The following FBN2 variants were observed in gnomAD, a reference collection of about 807,000 sequenced individuals.
The protein encoded by FBN2 is fibrillin 2, also known as fibrillin-2.
Under a neutral mutation model 355.6 loss-of-function variants are expected in FBN2, and 105 were observed. The ratio of observed to expected loss-of-function variants is 0.30; its 90% CI spans 0.25 to 0.35. FBN2 has a LOEUF of 0.35. Among genes scored for constraint, FBN2 ranks in the 10% least tolerant of loss-of-function variants. The pLI is 1.00. For synonymous variants in FBN2, 1,350 were observed against 1,301.2 expected (o/e 1.04, Z -0.81); for missense variants, 3,280 against 3,758.7 (o/e 0.87, Z 3.33).
intron 25 of FBN2, among the ~76,000 whole-genome samples, chr5:128,343,510 A>C (rs1483363230): frequency 6.6e-6 from 1 of 152,198 alleles, no homozygotes; most frequent in African/African-American, 2.4e-5. Context: ...GAGTGCGATA[A>C]GGGGAAATCC....
At position 128,318,132 on chromosome 5, in the gene FBN2, C is replaced by A; in HGVS notation, c.4717+17G>T. 1 of 1,613,620 alleles carries A rather than the reference C, an allele frequency of 6.2e-7. No individual in the cohort carries two copies. The highest frequency in any genetic ancestry group is 1.3e-5 in the African/African-American group (1 of 75,022). Reference sequence around the variant, plus strand: ...ACTTGATAATTCTATTTGTTTGTTTCATATAGCTTTACTTACCAACACAAC... The same window carrying A: ...ACTTGATAATTCTATTTGTTTGTTTAATATAGCTTTACTTACCAACACAAC... On this transcript the variant is annotated intron_variant, in intron 36 of 64. Coordinates refer to ENST00000262464, the MANE Select transcript of FBN2 (RefSeq NM_001999.4).
chr5:128,343,377 C>T (rs1191581929), intron 25 of FBN2, among the ~76,000 whole-genome samples: 1 of 152,100 alleles, frequency 6.6e-6, no homozygotes, highest in African/African-American at 2.4e-5. Flanking sequence ...TTCAAGGCAG[C>T]AGGACTTCAG....
intron 5 of FBN2, among the ~76,000 whole-genome samples, chr5:128,501,249 TGAA>T (rs1755800995): frequency 6.6e-6 from 1 of 152,186 alleles, no homozygotes; most frequent in Non-Finnish European, 1.5e-5. Flanking sequence ...ACAAAATATG[TGAA>T]GAATAACCTG....
chr5:128,533,824 T>A (rs1021832978), intron 2 of FBN2, among the ~76,000 whole-genome samples: 3 of 151,636 alleles, frequency 2.0e-5, no homozygotes, highest in African/African-American at 7.3e-5. Flanking sequence ...AATAAATTAA[T>A]AAGCAAATTG....
At position 128,479,930 on chromosome 5, in the gene FBN2, GTCTCTCTC is replaced by G. The variant is rs1180726296; in HGVS notation, c.629-15017_629-15010del. On this transcript the variant is annotated intron_variant, in intron 5 of 64. Coordinates refer to ENST00000262464, the MANE Select transcript of FBN2 (RefSeq NM_001999.4). ...CAACAGAACAAGACCTTGTCTCCTT[GTCTCTCTC>G]TCTCTCTCTCTCTCTCTCTCTCTCT... Among the ~76,000 whole-genome samples the G allele has an allele frequency of 2.4e-3, 139 of 58,090 alleles. 1 individual carries two copies. Among genetic ancestry groups the G allele is most frequent in the Middle Eastern group, 0.026 (1 of 38 alleles). 38.1% of individuals were successfully genotyped at this position (58,090 alleles called of 152,430 possible). A position where few individuals can be genotyped will look rare whatever the true frequency, so the allele number is the denominator to read the frequency against.
chr5:128,307,927 G>A (rs1447598269), intron 41 of FBN2, among the ~76,000 whole-genome samples: 1 of 151,958 alleles, frequency 6.6e-6, no homozygotes, highest in African/African-American at 2.4e-5. Flanking sequence ...TCAGGTCAGG[G>A]ATATTGTATA....
In FBN2 at chr5:128,259,848, A is replaced by G; in HGVS notation, c.8365-19T>C. The G allele has an allele frequency of 1.2e-6, 2 of 1,613,092 alleles. No individual in the cohort carries two copies. Among genetic ancestry groups the G allele is most frequent in the Admixed American group, 3.3e-5 (2 of 59,938 alleles). Reference sequence around the variant, plus strand: ...GTTCAACCTGGAGGAAGAACAGGAAATGATTTGGGACAAGCTTCTACAGCA... The same window carrying G: ...GTTCAACCTGGAGGAAGAACAGGAAGTGATTTGGGACAAGCTTCTACAGCA... On this transcript the variant is annotated intron_variant, in intron 64 of 64. Coordinates refer to ENST00000262464, the MANE Select transcript of FBN2 (RefSeq NM_001999.4).
intron 48 of FBN2, 47 bp downstream of exon 48, chr5:128,300,770 T>G: frequency 6.2e-7 from 1 of 1,602,400 alleles, no homozygotes; most frequent in Non-Finnish European, 8.5e-7. Context: ...TACCATGTCT[T>G]ACTATACTGA....
In FBN2 at chr5:128,454,577, G is replaced by A. The variant is rs117802439; in HGVS notation, c.827-7971C>T. On this transcript the variant is annotated intron_variant, in intron 6 of 64. Coordinates refer to ENST00000262464, the MANE Select transcript of FBN2 (RefSeq NM_001999.4). ...TTGGAAATAACTTTCTACTCAGGGC[G>A]TCTTCTGCTCATTCAACAATTGAGG... Among the ~76,000 whole-genome samples the A allele has an allele frequency of 3.5e-4, 54 of 152,236 alleles. No individual in the cohort carries two copies. The East Asian group carries it at 3.9e-3, about 11-fold the overall frequency.
chr5:128,425,722 T>C (rs1187300084), intron 7 of FBN2, among the ~76,000 whole-genome samples: 3 of 152,166 alleles, frequency 2.0e-5, no homozygotes, highest in Non-Finnish European at 2.9e-5. Context: ...AGAATTATCA[T>C]ATAAATGAGC....
At chr5:128,507,366 T>C (rs748288217) in intron 5 of FBN2, among the ~76,000 whole-genome samples, 7 of 152,030 alleles carry the variant, frequency 4.6e-5, no homozygotes, top group Non-Finnish European at 8.8e-5. Flanking sequence ...GATAAAAAAA[T>C]TATGTAGTAT....
At chr5:128,466,692 T>C (rs1045526424) in intron 5 of FBN2, among the ~76,000 whole-genome samples, 3 of 152,184 alleles carry the variant, frequency 2.0e-5, no homozygotes, top group Non-Finnish European at 2.9e-5. Flanking sequence ...TTAACATTGT[T>C]ACTCTGCAGC....
intron 7 of FBN2, among the ~76,000 whole-genome samples, chr5:128,444,681 A>G (rs755624407): frequency 1.3e-5 from 2 of 152,218 alleles, no homozygotes; most frequent in Non-Finnish European, 2.9e-5. Flanking sequence ...TTTCCTAAAG[A>G]ACATAGGCAA....
chr5:128,290,788 T>C lies in FBN2; in HGVS notation c.6389A>G (p.Lys2130Arg), dbSNP rs1581191745. The change falls in exon 50 of 65, where the codon AAG becomes AGG. Residue 2130 changes from lysine to arginine, a missense_variant. This residue lies in a region of FBN2 where 2,284 missense variants were observed against 2,749.5 expected (regional missense o/e 0.83). Coordinates refer to ENST00000262464, the MANE Select transcript of FBN2 (RefSeq NM_001999.4). Reference protein sequence around the residue: ...NTTKAKCCCSKMPGEGWGDPC... With the variant: ...NTTKAKCCCSRMPGEGWGDPC... ...GTCCCCCCAGCCCTCTCCTGGCATC[T>C]TACTACAGCAGCATTTTGCTTTTGT... 3 of 1,614,162 alleles carry C rather than the reference T, an allele frequency of 1.9e-6. No individual in the cohort carries two copies. The highest frequency in any genetic ancestry group is 2.5e-6 in the Non-Finnish European group (3 of 1,179,982).
At chr5:128,466,882 T>C (rs1157523889) in intron 5 of FBN2, among the ~76,000 whole-genome samples, 8 of 152,176 alleles carry the variant, frequency 5.3e-5, no homozygotes, top group African/African-American at 1.9e-4. Context: ...ATCTATCCTA[T>C]TGTCCTTCAG....
intron 43 of FBN2, 43 bp from the exon 44 acceptor site, chr5:128,305,679 T>G (rs778768517): frequency 6.1e-5 from 98 of 1,609,984 alleles, no homozygotes; most frequent in Non-Finnish European, 8.2e-5. Flanking sequence ...CTTTTTAGTA[T>G]TGTATTAGCA....
chr5:128,485,537 T>C (rs935487548), intron 5 of FBN2, among the ~76,000 whole-genome samples: 2 of 151,606 alleles, frequency 1.3e-5, no homozygotes, highest in East Asian at 1.9e-4. Flanking sequence ...AAACTCAATG[T>C]TGAATGAAAA....
At chr5:128,509,285 T>C (rs926331711) in intron 5 of FBN2, among the ~76,000 whole-genome samples, 2 of 152,174 alleles carry the variant, frequency 1.3e-5, no homozygotes, top group African/African-American at 4.8e-5. Flanking sequence ...AAGCCTTTTT[T>C]TCTTTGTGCT....
chr5:128,330,286 GTT>G (rs1014525034), intron 33 of FBN2, among the ~76,000 whole-genome samples: 1 of 152,146 alleles, frequency 6.6e-6, no homozygotes, highest in East Asian at 1.9e-4. Context: ...CAAAGCCTGT[GTT>G]TTTTTAACCA....
Sources: allele counts gnomAD v4.1 joint callset (sites outside exome capture counted in the v4.1 genomes callset), GRCh38; gene constraint gnomAD v4.1.1; regional missense constraint gnomAD v4.1.1; transcripts MANE v1.5; gene names NCBI Gene and HGNC (gene_info 2026-07-23, HGNC 2026-07-21).